Variants in GPR17 observed in about 807,000 individuals in gnomAD.
GPR17 encodes uracil nucleotide/cysteinyl leukotriene receptor.
In GPR17, 4 loss-of-function variants were observed where a neutral mutation model predicts 1.5. That is an observed-to-expected ratio of 2.73 (90% CI 1.35 to 6.25). The LOEUF (loss-of-function observed/expected upper bound fraction) is 6.25. Ranked by LOEUF, GPR17 falls within the 30% of genes most tolerant of loss-of-function variation. The pLI, the probability that GPR17 is intolerant of heterozygous loss-of-function variation, is 0.00. For synonymous variants in GPR17, 209 were observed against 207.6 expected, an observed-to-expected ratio of 1.01 and a Z score of -0.06; for missense variants, 463 against 462.1, an observed-to-expected ratio of 1.00 and a Z score of -0.02.
Position 127,647,007 on chromosome 2 carries a change from G to A in GPR17, c.-21+763G>A, listed in dbSNP as rs144021920. Among the ~76,000 whole-genome samples the A allele has an allele frequency of 2.0e-3, 297 of 152,246 alleles. 1 individual carries two copies. Among genetic ancestry groups the A allele is most frequent in the African/African-American group, 6.7e-3 (280 of 41,546 alleles). On this transcript the variant is annotated intron_variant, in intron 1 of 1. Transcript: ENST00000486700. This position sits in a 1 kb window ranked among gnomAD's most constrained non-coding sequence, Gnocchi z 4.3. ...CAGTCCCAGAGAGAGCGAGGGGCAC[G>A]CCCTTCGGCCCGGGCAGGAAGTGGA...
chr2:127,649,083 GAAA>G (rs1315167396), intron 1 of GPR17, among the ~76,000 whole-genome samples: 1 of 124,806 alleles, frequency 8.0e-6, no homozygotes, highest in African/African-American at 2.8e-5. Flanking sequence ...AAAAAGAAAA[GAAA>G]AAAAGAAAAA....
intron 1 of GPR17, among the ~76,000 whole-genome samples, chr2:127,649,072 GAAAAAGAAAAGAAAAAAAGA>G (rs1244154397): frequency 4.8e-5 from 4 of 83,352 alleles, no homozygotes; most frequent in African/African-American, 1.6e-4. Context: ...AGGAAGGAAG[GAAAAAGAAAAGAAAAAAAGA>G]AAAAAGAAAA....
In GPR17 at chr2:127,651,057, G is replaced by A. The variant is rs561460014; in HGVS notation, c.322G>A (p.Gly108Ser). ...PFGEIACRLT[G>S]FLFYLNMYAS... ...TGGGGAAATCGCATGCCGTCTCACC[G>A]GCTTCCTCTTCTACCTCAACATGTA... Residue 108 changes from glycine to serine, a missense_variant, in exon 2 of 2, where the codon GGC becomes AGC. Physicochemically the swap from Gly to Ser is moderately conservative, Grantham distance 56. Coordinates refer to ENST00000486700, the MANE Select transcript of GPR17 (RefSeq NM_001161417.2). 203 of 1,613,702 alleles carry A rather than the reference G, an allele frequency of 1.3e-4. 1 individual carries two copies. The highest frequency in any genetic ancestry group is 5.6e-4 in the South Asian group (51 of 91,084).
intron 1 of GPR17, chr2:127,650,008 CAGGATGTCCAAACGG>C (rs1683559155): frequency 6.2e-7 from 1 of 1,607,066 alleles, no homozygotes. Flanking sequence ...CCCCACCTGT[CAGGATGTCCAAACGG>C]AGTTGGTGGG....
rs1394932429 is a variant in GPR17, at chr2:127,651,690, G to A, written c.955G>A (p.Gly319Ser). The A allele has an allele frequency of 8.1e-6, 13 of 1,613,118 alleles. No individual in the cohort carries two copies. The South Asian group carries it at 1.4e-4, about 18-fold the overall frequency. Reference sequence around the variant, plus strand: ...CTTGCTCTGTGGCAAAAGGCTCAAGGGCCCGCCCCCCAGCTTCGAAGGGAA... The same window carrying A: ...CTTGCTCTGTGGCAAAAGGCTCAAGAGCCCGCCCCCCAGCTTCGAAGGGAA... ...CNLLCGKRLK[G>S]PPPSFEGKTN... is the part of the protein sequence containing the mutation. Residue 319 changes from glycine (G) to serine (S), a missense_variant, in exon 2 of 2, where the codon GGC becomes AGC. Coordinates refer to ENST00000486700, the MANE Select transcript of GPR17 (RefSeq NM_001161417.2).
Position 127,651,664 on chromosome 2 carries a change from A to T in GPR17, c.929A>T (p.Asn310Ile). ...GAGAAGTTCCGCCACGCCCTGTGCAACTTGCTCTGTGGCAAAAGGCTCAAG... is the reference window on the plus strand; with the variant it reads ...GAGAAGTTCCGCCACGCCCTGTGCATCTTGCTCTGTGGCAAAAGGCTCAAG... ...VAEKFRHALCNLLCGKRLKGP... is the reference protein window; with the variant it reads ...VAEKFRHALCILLCGKRLKGP... The change falls in exon 2 of 2, where the codon AAC (asparagine) becomes ATC (isoleucine). Residue 310 changes from asparagine (N) to isoleucine (I), a missense_variant. Physicochemically the swap from Asn to Ile is moderately radical, Grantham distance 149. Coordinates refer to ENST00000486700, the MANE Select transcript of GPR17 (RefSeq NM_001161417.2). The T allele has an allele frequency of 6.2e-7, 1 of 1,613,384 alleles. No individual in the cohort carries two copies. The highest frequency in any genetic ancestry group is 8.5e-7 in the Non-Finnish European group (1 of 1,180,018).
chr2:127,647,990 C>T lies in GPR17; in HGVS notation c.-21+1746C>T. The T allele has an allele frequency of 8.1e-6, 8 of 981,938 alleles. No individual in the cohort carries two copies. Among genetic ancestry groups the T allele is most frequent in the Non-Finnish European group, 9.7e-6 (8 of 826,740 alleles). 60.8% of individuals were successfully genotyped at this position (981,938 alleles called of 1,614,324 possible). ...CCCCCTTCACAGCCCTCAGCCCTTCCCCAGGGCTTCAGCCAAGCCTGTCTC... is the reference window on the plus strand; with the variant it reads ...CCCCCTTCACAGCCCTCAGCCCTTCTCCAGGGCTTCAGCCAAGCCTGTCTC... On this transcript the variant is annotated intron_variant, in intron 1 of 1. Coordinates refer to ENST00000486700, the MANE Select transcript of GPR17 (RefSeq NM_001161417.2). This position sits in a 1 kb window ranked among gnomAD's most constrained non-coding sequence, Gnocchi z 4.3.
At chr2:127,648,966 GGGGGAGGGGAGGGAGGGGAGGGGAGGGA>G (rs1443282316) in intron 1 of GPR17, among the ~76,000 whole-genome samples, 1 of 19,188 alleles carries the variant, frequency 5.2e-5, no homozygotes, top group Admixed American at 4.1e-4. Flanking sequence ...GGAGGGGAGG[GGGGGAGGGGAGGGAGGGGAGGGGAGGGA>G]GGGGAGGGGA....
chr2:127,651,493 T>C lies in GPR17; in HGVS notation c.758T>C (p.Val253Ala), dbSNP rs751418780. 4.3e-6 allele frequency: 7 copies of C among 1,612,826 alleles called. No individual in the cohort carries two copies. In the East Asian group the frequency reaches 1.1e-4, roughly 26 times the overall value. The change falls in exon 2 of 2, where the codon GTC becomes GCC. Residue 253 changes from valine to alanine, a missense_variant. By Grantham distance (64) the Val-to-Ala change is moderately conservative. Coordinates refer to ENST00000486700, the MANE Select transcript of GPR17 (RefSeq NM_001161417.2). ...CTGGTCTGCTTCGTGCCCTACCACG[T>C]CAACCGCTCCGTCTACGTGCTGCAC... ...IFLVCFVPYH[V>A]NRSVYVLHYR...
At chr2:127,649,820 C>A (rs1683517045) in intron 1 of GPR17, 1 of 588,474 alleles carries the variant, frequency 1.7e-6, no homozygotes, top group Admixed American at 3.1e-5. Flanking sequence ...GGCCTCCAGG[C>A]CTCTCTGGGG....
chr2:127,651,267 A>T lies in GPR17; in HGVS notation c.532A>T (p.Thr178Ser). Residue 178 changes from threonine (T) to serine (S), a missense_variant, in exon 2 of 2, where the codon ACG (threonine) becomes TCG (serine). Transcript: ENST00000486700. ...VSPQTVQTNHTVVCLQLYREK... is the reference protein window; with the variant it reads ...VSPQTVQTNHSVVCLQLYREK... ...CCCACAGACCGTGCAGACCAACCAC[A>T]CGGTGGTCTGCCTGCAGCTGTACCG... 1 of 1,606,620 alleles carries T rather than the reference A, an allele frequency of 6.2e-7. No individual in the cohort carries two copies. The highest frequency in any genetic ancestry group is 1.7e-5 in the Admixed American group (1 of 59,990).
In GPR17 at chr2:127,651,479, C is replaced by T. The variant is rs1215723808; in HGVS notation, c.744C>T (p.Phe248=). 3.7e-6 allele frequency: 6 copies of T among 1,612,810 alleles called. No individual in the cohort carries two copies. The South Asian group carries it at 4.4e-5, about 12-fold the overall frequency. ...AIVLAIFLVC[F]VPYHVNRSVY... is the part of the protein sequence containing the mutation. The stretch of plus-strand genomic sequence containing the variant: ...TGCTGGCCATCTTCCTGGTCTGCTT[C>T]GTGCCCTACCACGTCAACCGCTCCG... Residue 248 remains phenylalanine (F), a synonymous_variant, in exon 2 of 2, where the codon TTC becomes TTT. Coordinates refer to ENST00000486700, the MANE Select transcript of GPR17 (RefSeq NM_001161417.2).
At chr2:127,649,450 A>T (rs937038880) in intron 1 of GPR17, among the ~76,000 whole-genome samples, 1 of 152,226 alleles carries the variant, frequency 6.6e-6, no homozygotes, top group African/African-American at 2.4e-5. Flanking sequence ...CCAGGTGCCC[A>T]GAGGAGCCCC....
In GPR17 at chr2:127,651,686, C is replaced by A. The variant is rs1194664591; in HGVS notation, c.951C>A (p.Leu317=). 5.0e-6 allele frequency: 8 copies of A among 1,613,136 alleles called. No individual in the cohort carries two copies. Among genetic ancestry groups the A allele is most frequent in the South Asian group, 2.2e-5 (2 of 91,090 alleles). Residue 317 remains leucine, a synonymous_variant, in exon 2 of 2, where the codon CTC becomes CTA. Transcript: ENST00000486700. ...GCAACTTGCTCTGTGGCAAAAGGCTCAAGGGCCCGCCCCCCAGCTTCGAAG... is the reference window on the plus strand; with the variant it reads ...GCAACTTGCTCTGTGGCAAAAGGCTAAAGGGCCCGCCCCCCAGCTTCGAAG... The part of the protein sequence containing the change: ...ALCNLLCGKR[L]KGPPPSFEGK...
rs532659846 is a variant in GPR17 at position 127,651,133 on chromosome 2, T to C, written c.398T>C (p.Ile133Thr). The change falls in exon 2 of 2, where the codon ATT becomes ACT. Residue 133 changes from isoleucine (I) to threonine (T), a missense_variant. Physicochemically the swap from Ile to Thr is moderately conservative, Grantham distance 89. Coordinates refer to ENST00000486700, the MANE Select transcript of GPR17 (RefSeq NM_001161417.2). ...TCISADRFLA[I>T]VHPVKSLKLR... ...ATCAGCGCCGACCGTTTCCTGGCCA[T>C]TGTGCACCCGGTCAAGTCCCTCAAG... The C allele has an allele frequency of 6.8e-6, 11 of 1,613,436 alleles. No individual in the cohort carries two copies. Among genetic ancestry groups the C allele is most frequent in the African/African-American group, 1.3e-5 (1 of 75,078 alleles).
chr2:127,652,619 A>G lies in GPR17; in HGVS notation c.*864A>G, dbSNP rs949497241. 2 of 164,562 alleles carry G rather than the reference A, an allele frequency of 1.2e-5. No individual in the cohort carries two copies. Among genetic ancestry groups the G allele is most frequent in the African/African-American group, 2.4e-5 (1 of 41,452 alleles). 10.2% of individuals were successfully genotyped at this position (164,562 alleles called of 1,614,324 possible). ...GTATTTGTTTGTACGGACCATAAAT[A>G]TAACTGTAGCTTTAAGACTACACAG... On this transcript the variant is annotated 3_prime_UTR_variant, in exon 2 of 2. Coordinates refer to ENST00000486700, the MANE Select transcript of GPR17 (RefSeq NM_001161417.2).
Position 127,650,983 on chromosome 2 carries a change from T to C in GPR17, c.248T>C (p.Val83Ala). 1.2e-6 allele frequency: 2 copies of C among 1,613,804 alleles called. No homozygotes were observed. Among genetic ancestry groups the C allele is most frequent in the Non-Finnish European group, 1.7e-6 (2 of 1,180,038 alleles). Residue 83 changes from valine to alanine, a missense_variant, in exon 2 of 2, where the codon GTC (valine) becomes GCC (alanine). Val to Ala is a moderately conservative substitution (Grantham distance 64). Coordinates refer to ENST00000486700, the MANE Select transcript of GPR17 (RefSeq NM_001161417.2). ...GTGGCCGACTTGTCGTGCGTGCTGGTCCTGCCCACCCGCCTGGTCTACCAC... is the reference window on the plus strand; with the variant it reads ...GTGGCCGACTTGTCGTGCGTGCTGGCCCTGCCCACCCGCCTGGTCTACCAC... ...LAVADLSCVLVLPTRLVYHFS... is the reference protein window; with the variant it reads ...LAVADLSCVLALPTRLVYHFS...
rs1231489408 is a variant in GPR17, at chr2:127,652,103, T to G, written c.*348T>G. On this transcript the variant is annotated 3_prime_UTR_variant, in exon 2 of 2. Transcript: ENST00000486700. ...CTCCTTCCCGCTACAGAATCGCTCA[T>G]CGGCGAGGCTCAGCAGAAAGACCCT... 2 of 303,134 alleles carry G rather than the reference T, an allele frequency of 6.6e-6. No individual in the cohort carries two copies. Among genetic ancestry groups the G allele is most frequent in the Non-Finnish European group, 1.3e-5 (2 of 153,508 alleles). The allele number at this position is 303,134 out of a possible 1,614,324, so 18.8% of individuals were successfully genotyped here.
Position 127,651,356 on chromosome 2 carries a change from C to T in GPR17, c.621C>T (p.Thr207=), listed in dbSNP as rs61741474. 2.1e-4 allele frequency: 344 copies of T among 1,612,292 alleles called. 3 individuals carry two copies. The African/African-American group carries it at 4.4e-3, about 21-fold the overall frequency. ...TGGCCTTCACCTTCCCGTTCATCAC[C>T]ACGGTCACCTGCTACCTGCTGATCA... is the stretch of plus-strand genomic sequence containing the variant. ...LAVAFTFPFI[T]TVTCYLLIIR... The change falls in exon 2 of 2, where the codon ACC becomes ACT. Residue 207 remains threonine (T), a synonymous_variant. Transcript: ENST00000486700.
Sources: gnomAD v4.1 joint callset for allele counts (sites outside exome capture counted in the v4.1 genomes callset) on GRCh38, gnomAD v4.1.1 for gene constraint, Gnocchi (gnomAD v3.1) non-coding constraint, MANE v1.5 for transcripts, NCBI Gene and HGNC (gene_info 2026-07-23, HGNC 2026-07-21) for gene names.